The following FGFRL1 variants were observed in gnomAD, a reference collection of about 807,000 sequenced individuals.
FGFRL1 encodes the protein fibroblast growth factor receptor-like 1.
Under a neutral mutation model 36.8 loss-of-function variants are expected in FGFRL1, and 24 were observed. The ratio of observed to expected loss-of-function variants is 0.65; its 90% confidence interval spans 0.47 to 0.92. The LOEUF is 0.92. FGFRL1 is among the 40% of genes least tolerant of loss of function. The pLI is 0.00. For missense variants in FGFRL1, 785 were observed against 753.4 expected (o/e 1.04, Z -0.49); for synonymous variants, 422 against 344.1 (o/e 1.23, Z -2.50).
intron 2 of FGFRL1, among the ~76,000 whole-genome samples, chr4:1,015,802 C>T (rs573778347): frequency 5.1e-4 from 78 of 152,324 alleles, no homozygotes; most frequent in African/African-American, 1.7e-3. Flanking sequence ...CTGGTGGCCC[C>T]GTGGAGAGCT....
intron 2 of FGFRL1, among the ~76,000 whole-genome samples, chr4:1,012,807 T>G (rs2153024915): frequency 6.6e-6 from 1 of 152,362 alleles, no homozygotes; most frequent in East Asian, 1.9e-4. Flanking sequence ...CAGGTGGGCT[T>G]TAGTCCTGGC....
chr4:1,013,722 G>A (rs555705301), intron 2 of FGFRL1, among the ~76,000 whole-genome samples: 23 of 152,388 alleles, frequency 1.5e-4, no homozygotes, highest in Non-Finnish European at 2.6e-4. Flanking sequence ...CTGGCCACTC[G>A]GCCAGGGAGG....
upstream of FGFRL1, among the ~76,000 whole-genome samples, chr4:1,011,616 T>C (rs1389202072): frequency 7.8e-6 from 1 of 129,024 alleles, no homozygotes; most frequent in African/African-American, 2.8e-5. Flanking sequence ...GGCTCGGCGC[T>C]CGCTCCGGGA....
At position 1,012,513 on chromosome 4, in the gene FGFRL1, C is replaced by T. The variant is rs1715648780; in HGVS notation, c.28C>T (p.Leu10=). The part of the protein sequence containing the change: MTPSPLLLL[L]LPPLLLGAFP... ...GACGCCGAGCCCCCTGTTGCTGCTCCTGCTGCCGCCGCTGCTGCTGGGGGC... is the reference window on the plus strand; with the variant it reads ...GACGCCGAGCCCCCTGTTGCTGCTCTTGCTGCCGCCGCTGCTGCTGGGGGC... The change falls in exon 2 of 7, where the codon CTG becomes TTG. Residue 10 remains leucine, a synonymous_variant. Transcript: ENST00000510644. The T allele has an allele frequency of 2.6e-6, 4 of 1,556,564 alleles. No individual in the cohort carries two copies. The highest frequency in any genetic ancestry group is 2.6e-6 in the Non-Finnish European group (3 of 1,156,914).
intron 2 of FGFRL1, among the ~76,000 whole-genome samples, chr4:1,013,738 G>A (rs1305595192): frequency 6.6e-6 from 1 of 152,278 alleles, no homozygotes; most frequent in East Asian, 1.9e-4. Flanking sequence ...GGAGGCTCTG[G>A]AGGCCTCTGT....
chr4:1,020,241 C>T (rs1716098566), intron 2 of FGFRL1, among the ~76,000 whole-genome samples: 1 of 152,218 alleles, frequency 6.6e-6, no homozygotes, highest in Admixed American at 6.5e-5. Context: ...GTTCTGCACG[C>T]AGCCTGGACG....
At chr4:1,019,846 C>T (rs73219733) in intron 2 of FGFRL1, among the ~76,000 whole-genome samples, 13,302 of 152,266 alleles carry the variant, frequency 0.087, 735 homozygotes, top group Middle Eastern at 0.14. Context: ...AGGCCAAGGA[C>T]TGGGATGGGC....
In FGFRL1 at chr4:1,025,381, C is replaced by T. The variant is rs761720392; in HGVS notation, c.*34C>T. ...GTATCTGCAGTGGGCACGGGGGGGC[C>T]GGCCAGACAGGCAGACTGGGAGGAT... On this transcript the variant is annotated 3_prime_UTR_variant, in exon 7 of 7. Transcript: ENST00000510644. 2.8e-5 allele frequency: 42 copies of T among 1,512,590 alleles called. No individual in the cohort carries two copies. Among genetic ancestry groups the T allele is most frequent in the East Asian group, 1.7e-4 (7 of 40,374 alleles). 93.7% of individuals were successfully genotyped at this position (1,512,590 alleles called of 1,614,324 possible).
chr4:1,015,010 A>G (rs1715815206), intron 2 of FGFRL1, among the ~76,000 whole-genome samples: 1 of 152,152 alleles, frequency 6.6e-6, no homozygotes, highest in African/African-American at 2.4e-5. Flanking sequence ...CGGCCCTGTC[A>G]GGGGAAATGT....
rs760118278 is a variant in FGFRL1, at chr4:1,024,112, C to T, written c.718+11C>T. 25 of 1,518,340 alleles carry T rather than the reference C, an allele frequency of 1.6e-5. No individual in the cohort carries two copies. Among genetic ancestry groups the T allele is most frequent in the Non-Finnish European group, 2.1e-5 (24 of 1,133,966 alleles). 94.1% of individuals were successfully genotyped at this position (1,518,340 alleles called of 1,614,324 possible). A position where few individuals can be genotyped will look rare whatever the true frequency, so the allele number is the denominator to read the frequency against. ...AGGTGGATGTGATCCGTGAGTGTGG[C>T]CCCGGGCGCTGGCGGGCGGGGGGTG... On this transcript the variant is annotated intron_variant, in intron 5 of 6. Transcript: ENST00000510644.
At position 1,025,190 on chromosome 4, in the gene FGFRL1, C is replaced by T. The variant is rs755567722; in HGVS notation, c.1358C>T (p.Pro453Leu). Reference protein sequence around the residue: ...GVGLCEEHGSPAAPQHLLGPG... With the variant: ...GVGLCEEHGSLAAPQHLLGPG... ...GGGCTGTGTGAGGAGCATGGGTCTC[C>T]GGCAGCCCCCCAGCACTTACTGGGC... Residue 453 changes from proline (P) to leucine (L), a missense_variant, in exon 7 of 7, where the codon CCG becomes CTG. Transcript: ENST00000510644. 4.1e-5 allele frequency: 66 copies of T among 1,610,260 alleles called. No homozygotes were observed. The highest frequency in any genetic ancestry group is 4.5e-5 in the East Asian group (2 of 44,812).
chr4:1,013,613 C>T (rs1195906067), intron 2 of FGFRL1, among the ~76,000 whole-genome samples: 5 of 152,284 alleles, frequency 3.3e-5, no homozygotes. Context: ...TGTGTGGGCA[C>T]TCAGGCCATA....
Position 1,023,479 on chromosome 4 carries a change from G to C in FGFRL1, c.353-162G>C, listed in dbSNP as rs1159910088. 6.6e-6 allele frequency among the ~76,000 whole-genome samples: 1 copy of C among 152,184 alleles called. No homozygotes were observed. Among genetic ancestry groups the C allele is most frequent in the Non-Finnish European group, 1.5e-5 (1 of 68,020 alleles). On this transcript the variant is annotated intron_variant, in intron 3 of 6. Transcript: ENST00000510644. This position sits in a 1 kb window ranked among gnomAD's most constrained non-coding sequence, Gnocchi z 6.0. Reference sequence around the variant, plus strand: ...GTGGGCCAGCGGCCCTTGCCCAGCTGTCCCTGGGATTCTGGGCTGTGGGTG... The same window carrying C: ...GTGGGCCAGCGGCCCTTGCCCAGCTCTCCCTGGGATTCTGGGCTGTGGGTG...
chr4:1,016,148 C>T (rs547509239), intron 2 of FGFRL1, among the ~76,000 whole-genome samples: 93 of 152,352 alleles, frequency 6.1e-4, no homozygotes, highest in Admixed American at 2.0e-3. Flanking sequence ...GGCAGCCCCA[C>T]CTGGGGGCCA....
At position 1,022,607 on chromosome 4, in the gene FGFRL1, C is replaced by G; in HGVS notation, c.352+132C>G. Reference sequence around the variant, plus strand: ...CGGCAGAAAGCCTTCCTTCGGTGCCCTGCCCCACCTCAGCTGGCTGCACCT... The same window carrying G: ...CGGCAGAAAGCCTTCCTTCGGTGCCGTGCCCCACCTCAGCTGGCTGCACCT... On this transcript the variant is annotated intron_variant, in intron 3 of 6. Transcript: ENST00000510644. The G allele has an allele frequency of 2.6e-6, 3 of 1,149,292 alleles. 1 individual carries two copies. The South Asian group carries it at 4.9e-5, about 19-fold the overall frequency. 71.2% of individuals were successfully genotyped at this position (1,149,292 alleles called of 1,614,324 possible).
In FGFRL1 at chr4:1,025,149, C is replaced by T. The variant is rs371849695; in HGVS notation, c.1317C>T (p.Ser439=). The stretch of plus-strand genomic sequence containing the variant: ...ACCTTCCCTCGTTGGCCGCCCTCAG[C>T]GCTGGCCCTGGTGTGGGGCTGTGTG... ...DKDLPSLAAL[S]AGPGVGLCEE... The change falls in exon 7 of 7, where the codon AGC becomes AGT. Residue 439 remains serine, a synonymous_variant. Transcript: ENST00000510644. 19 of 1,610,658 alleles carry T rather than the reference C, an allele frequency of 1.2e-5. No individual in the cohort carries two copies. The African/African-American group carries it at 1.3e-4, about 11-fold the overall frequency.
rs374309032 is a variant in FGFRL1, at chr4:1,024,643, G to A, written c.1051G>A (p.Ala351Thr). 25 of 1,604,416 alleles carry A rather than the reference G, an allele frequency of 1.6e-5. No individual in the cohort carries two copies. Among genetic ancestry groups the A allele is most frequent in the Non-Finnish European group, 2.0e-5 (23 of 1,174,294 alleles). ...ANTMGYSFRS[A>T]FLTVLPDPKP... ...CACCATGGGCTACAGCTTCCGCAGC[G>A]CCTTCCTCACCGTGCTGCCAGGTGC... The change falls in exon 6 of 7, where the codon GCC becomes ACC. Residue 351 changes from alanine to threonine, a missense_variant. Coordinates refer to ENST00000510644, the MANE Select transcript of FGFRL1 (RefSeq NM_001004356.3).
At chr4:1,022,935 C>T (rs1716277572) in intron 3 of FGFRL1, among the ~76,000 whole-genome samples, 1 of 152,156 alleles carries the variant, frequency 6.6e-6, no homozygotes, top group Admixed American at 6.5e-5. Context: ...TACCTAGGGA[C>T]CCGGCACCCC....
intron 2 of FGFRL1, 132 bp downstream of exon 2, chr4:1,012,696 C>T (rs1033380098): frequency 5.9e-5 from 25 of 422,130 alleles, no homozygotes; most frequent in Non-Finnish European, 1.0e-4. Flanking sequence ...GCTCGCCAGG[C>T]CCCCTTCCTT....
Sources: allele counts gnomAD v4.1 joint callset (sites outside exome capture counted in the v4.1 genomes callset), GRCh38; gene constraint gnomAD v4.1.1; non-coding constraint Gnocchi (gnomAD v3.1); transcripts MANE v1.5; gene names NCBI Gene and HGNC (gene_info 2026-07-23, HGNC 2026-07-21).